Variants in RBMS3 observed in about 807,000 individuals in gnomAD.
RBMS3 encodes the protein RNA binding motif single stranded interacting protein 3.
A neutral mutation model predicts 66.8 loss-of-function variants in RBMS3; 27 were observed. That is an observed-to-expected ratio of 0.40 (90% CI 0.30 to 0.56). The LOEUF is 0.56. Among genes scored for constraint, RBMS3 ranks in the 20% least tolerant of loss-of-function variants. RBMS3 has a pLI of 0.40. For synonymous variants in RBMS3, 188 were observed against 183.0 expected, an observed-to-expected ratio of 1.03 and a Z score of -0.22; for missense variants, 513 against 549.5, an observed-to-expected ratio of 0.93 and a Z score of 0.66.
intron 7 of RBMS3, among the ~76,000 whole-genome samples, chr3:29,881,985 C>T (rs1311357777): frequency 6.6e-6 from 1 of 152,120 alleles, no homozygotes; most frequent in Non-Finnish European, 1.5e-5. Context: ...ATATGACTAT[C>T]ATCCTAAATC....
At chr3:29,320,076 T>C (rs945777042) in intron 1 of RBMS3, among the ~76,000 whole-genome samples, 1 of 152,056 alleles carries the variant, frequency 6.6e-6, no homozygotes, top group African/African-American at 2.4e-5. Flanking sequence ...GCAACTGACT[T>C]ACCTCATCAA....
chr3:29,990,709 C>G lies in RBMS3; in HGVS notation c.1180-373C>G, dbSNP rs551058289. On this transcript the variant is annotated intron_variant, in intron 13 of 14. Transcript: ENST00000383767. ...TATCCCAAATGGTATAGACATGATA[C>G]AGTGAAATATGCCAGGAAAATGTTT... Among the ~76,000 whole-genome samples, 3 of 152,174 alleles carry G rather than the reference C, an allele frequency of 2.0e-5. No homozygotes were observed. In the East Asian group the frequency reaches 5.8e-4, roughly 29 times the overall value.
At chr3:29,609,716 G>C (rs750910032) in intron 4 of RBMS3, among the ~76,000 whole-genome samples, 1 of 151,984 alleles carries the variant, frequency 6.6e-6, no homozygotes, top group Non-Finnish European at 1.5e-5. Context: ...GAGTTGATGG[G>C]TGACTGATTG....
At chr3:29,669,754 T>TTTCATG (rs2050916799) in intron 4 of RBMS3, among the ~76,000 whole-genome samples, 1 of 152,256 alleles carries the variant, frequency 6.6e-6, no homozygotes, top group Non-Finnish European at 1.5e-5. Context: ...TCATGTTCCT[T>TTTCATG]TTCATGTTCA....
At position 30,004,486 on chromosome 3, in the gene RBMS3, C is replaced by T. The variant is rs991718551; in HGVS notation, c.*624C>T. ...AGAATTGAAATACTGTGCCGGCTTTCACTGGCACAGAAGTTTAAGACTATG... is the reference window on the plus strand; with the variant it reads ...AGAATTGAAATACTGTGCCGGCTTTTACTGGCACAGAAGTTTAAGACTATG... On this transcript the variant is annotated 3_prime_UTR_variant, in exon 15 of 15. Coordinates refer to ENST00000383767, the MANE Select transcript of RBMS3 (RefSeq NM_001003793.3). 1.3e-5 allele frequency: 2 copies of T among 152,118 alleles called. No individual in the cohort carries two copies. Among genetic ancestry groups the T allele is most frequent in the Admixed American group, 6.6e-5 (1 of 15,184 alleles). The allele number at this position is 152,118 out of a possible 1,614,324, so 9.4% of individuals were successfully genotyped here. A position where few individuals can be genotyped will look rare whatever the true frequency, so the allele number is the denominator to read the frequency against.
At chr3:29,304,496 C>T (rs138902513) in intron 1 of RBMS3, among the ~76,000 whole-genome samples, 48 of 152,012 alleles carry the variant, frequency 3.2e-4, no homozygotes, top group African/African-American at 8.2e-4. Flanking sequence ...ATCATGCTGA[C>T]GAAGTCCTGT....
intron 4 of RBMS3, among the ~76,000 whole-genome samples, chr3:29,612,122 T>G (rs1367973025): frequency 6.6e-6 from 1 of 152,054 alleles, no homozygotes; most frequent in Non-Finnish European, 1.5e-5. Flanking sequence ...GAGCACCGAC[T>G]TTACTGAAGA....
At chr3:29,424,612 A>G (rs987961889) in intron 1 of RBMS3, among the ~76,000 whole-genome samples, 1 of 152,218 alleles carries the variant, frequency 6.6e-6, no homozygotes, top group Non-Finnish European at 1.5e-5. Flanking sequence ...TCCTGTGTCA[A>G]CATAGATTCA....
intron 2 of RBMS3, among the ~76,000 whole-genome samples, chr3:29,439,512 C>T (rs2041531759): frequency 6.6e-6 from 1 of 152,086 alleles, no homozygotes; most frequent in Admixed American, 6.6e-5. Context: ...GACATGGGAA[C>T]AATTAACCAA....
intron 2 of RBMS3, among the ~76,000 whole-genome samples, chr3:29,483,304 C>T (rs1326979495): frequency 1.8e-5 from 2 of 113,286 alleles, no homozygotes; most frequent in South Asian, 5.9e-4. Flanking sequence ...GCAACTTCGT[C>T]TTAACAAAAA....
Position 29,988,188 on chromosome 3 carries a change from T to C in RBMS3, c.1144T>C (p.Tyr382His), listed in dbSNP as rs1009755833. 8 of 1,613,174 alleles carry C rather than the reference T, an allele frequency of 5.0e-6. No homozygotes were observed. The highest frequency in any genetic ancestry group is 5.9e-6 in the Non-Finnish European group (7 of 1,179,380). Residue 382 changes from tyrosine to histidine, a missense_variant, in exon 13 of 15, where the codon TAC (tyrosine) becomes CAC (histidine). By Grantham distance (83) the Tyr-to-His change is moderately conservative. Transcript: ENST00000383767. Reference protein sequence around the residue: ...APMQGTYIPQYTPVPPTAVSI... With the variant: ...APMQGTYIPQHTPVPPTAVSI... ...TATGCAAGGGACCTACATTCCTCAG[T>C]ACACGCCTGTGCCTCCGACAGCTGT...
At chr3:29,582,673 A>AG (rs1177660680) in intron 3 of RBMS3, among the ~76,000 whole-genome samples, 20 of 152,352 alleles carry the variant, frequency 1.3e-4, no homozygotes, top group African/African-American at 4.6e-4. Context: ...CACCAGATGT[A>AG]GGTACAGAGG....
intron 4 of RBMS3, among the ~76,000 whole-genome samples, chr3:29,593,362 G>A (rs1025119180): frequency 1.2e-4 from 18 of 152,164 alleles, no homozygotes; most frequent in African/African-American, 4.3e-4. Flanking sequence ...TAAAGCAGAA[G>A]AAACAGGCTA....
At chr3:29,790,226 G>A (rs2056956483) in intron 6 of RBMS3, among the ~76,000 whole-genome samples, 1 of 151,980 alleles carries the variant, frequency 6.6e-6, no homozygotes, top group South Asian at 2.1e-4. Context: ...TAAAATATAG[G>A]TAAAAAAGTA....
chr3:29,654,798 A>G (rs1292467723), intron 4 of RBMS3, among the ~76,000 whole-genome samples: 3 of 147,852 alleles, frequency 2.0e-5, no homozygotes, highest in Admixed American at 6.9e-5. Context: ...GAGTTTTACC[A>G]TGTTGACCAG....
At chr3:29,800,912 A>G (rs1296136898) in intron 6 of RBMS3, among the ~76,000 whole-genome samples, 3 of 151,908 alleles carry the variant, frequency 2.0e-5, no homozygotes, top group Admixed American at 6.6e-5. Context: ...ATTACCTGAA[A>G]CTACATACCT....
intron 4 of RBMS3, among the ~76,000 whole-genome samples, chr3:29,726,685 A>G (rs2053893332): frequency 6.6e-6 from 1 of 152,174 alleles, no homozygotes; most frequent in South Asian, 2.1e-4. Context: ...ACTACAAACC[A>G]GTGCTCAGGG....
intron 2 of RBMS3, among the ~76,000 whole-genome samples, chr3:29,486,756 T>A (rs2043336333): frequency 6.6e-6 from 1 of 152,174 alleles, no homozygotes; most frequent in Non-Finnish European, 1.5e-5. Flanking sequence ...TGAAATCCAC[T>A]ATGAAACACA....
At chr3:29,361,499 C>T (rs2037587320) in intron 1 of RBMS3, among the ~76,000 whole-genome samples, 1 of 152,192 alleles carries the variant, frequency 6.6e-6, no homozygotes, top group Admixed American at 6.5e-5. Flanking sequence ...TTCATTTCAA[C>T]TTTGGCGAAT....
Sources: allele counts gnomAD v4.1 joint callset (sites outside exome capture counted in the v4.1 genomes callset), GRCh38; gene constraint gnomAD v4.1.1; transcripts MANE v1.5; gene names NCBI Gene and HGNC (gene_info 2026-07-23, HGNC 2026-07-21).